RBFOX3: variants seen among roughly 807,000 people sequenced by gnomAD.
The protein encoded by RBFOX3 is RNA binding fox-1 homolog 3.
A neutral mutation model predicts 48.7 loss-of-function variants in RBFOX3; 17 were observed. That is an observed-to-expected ratio of 0.35 (90% confidence interval 0.24 to 0.52). RBFOX3 has a LOEUF of 0.52. Among genes scored for constraint, RBFOX3 ranks in the 20% least tolerant of loss-of-function variants. RBFOX3 has a pLI of 0.94. For missense variants in RBFOX3, 382 were observed against 497.5 expected, an observed-to-expected ratio of 0.77 and a Z score of 2.21; for synonymous variants, 212 against 209.5, an observed-to-expected ratio of 1.01 and a Z score of -0.10.
chr17:79,351,187 G>A (rs747444813), intron 2 of RBFOX3, among the ~76,000 whole-genome samples: 8 of 152,120 alleles, frequency 5.3e-5, no homozygotes, highest in Admixed American at 2.0e-4. Context: ...TTGCTTCTAC[G>A]CTTTGGCTGC....
chr17:79,521,254 ACACT>A (rs1428718904), intron 1 of RBFOX3, among the ~76,000 whole-genome samples: 1,660 of 151,260 alleles, frequency 0.011, 29 homozygotes, highest in African/African-American at 0.039. Context: ...AGGCACACAC[ACACT>A]CACAGACACA....
the RBFOX3 span, among the ~76,000 whole-genome samples, chr17:79,632,475 T>C: frequency 6.6e-6 from 1 of 152,208 alleles, no homozygotes; most frequent in Admixed American, 6.5e-5. Context: ...CAGGACCCCA[T>C]GTCTGGGGTC....
intron 1 of RBFOX3, among the ~76,000 whole-genome samples, chr17:79,543,124 G>A (rs1450756747): frequency 6.6e-6 from 1 of 152,102 alleles, no homozygotes; most frequent in African/African-American, 2.4e-5. Context: ...TACGGCAGCT[G>A]AACGGTAAAG....
chr17:79,502,439 G>A (rs1419143102), intron 1 of RBFOX3, among the ~76,000 whole-genome samples: 2 of 152,156 alleles, frequency 1.3e-5, no homozygotes, highest in East Asian at 3.9e-4. Flanking sequence ...AGGTGGTGAT[G>A]GCCACACCAC....
chr17:79,097,183 C>T (rs932197033), intron 11 of RBFOX3, 109 bp downstream of exon 11: 2 of 891,536 alleles, frequency 2.2e-6, no homozygotes, highest in Non-Finnish European at 3.3e-6. Flanking sequence ...TCCCCCCCCC[C>T]AGGTCTGGAA....
At chr17:79,366,321 A>T (rs1568119257) in intron 2 of RBFOX3, among the ~76,000 whole-genome samples, 1 of 151,370 alleles carries the variant, frequency 6.6e-6, no homozygotes, top group Non-Finnish European at 1.5e-5. Flanking sequence ...CCAGCCAGTG[A>T]CTCCCTGACC....
intron 1 of RBFOX3, chr17:79,600,693 C>T (rs1208007258): frequency 2.0e-5 from 3 of 152,250 alleles, no homozygotes; most frequent in African/African-American, 2.4e-5. Context: ...GCTCCCACCT[C>T]GAAGGCCCGG....
the RBFOX3 span, among the ~76,000 whole-genome samples, chr17:79,637,770 A>G: frequency 1.6e-4 from 4 of 25,232 alleles, no homozygotes; most frequent in African/African-American, 3.4e-4. Flanking sequence ...GGGGAGGGGA[A>G]GGGAGGGGAA....
At chr17:79,270,033 C>T (rs534879354) in intron 3 of RBFOX3, among the ~76,000 whole-genome samples, 2 of 152,170 alleles carry the variant, frequency 1.3e-5, no homozygotes, top group South Asian at 4.2e-4. Context: ...GGCTTGACCT[C>T]TCCCCCTCTG....
At chr17:79,164,789 C>A (rs1342393910) in intron 4 of RBFOX3, among the ~76,000 whole-genome samples, 1 of 152,188 alleles carries the variant, frequency 6.6e-6, no homozygotes, top group Non-Finnish European at 1.5e-5. Context: ...TTCCCATGTG[C>A]CTGGGCAGCG....
intron 1 of RBFOX3, among the ~76,000 whole-genome samples, chr17:79,539,513 G>C (rs1414956307): frequency 6.6e-6 from 1 of 152,208 alleles, no homozygotes; most frequent in Non-Finnish European, 1.5e-5. Flanking sequence ...TAAGTCTACT[G>C]TTGGGGTTTT....
intron 4 of RBFOX3, among the ~76,000 whole-genome samples, chr17:79,223,098 T>C (rs1211509120): frequency 6.6e-6 from 1 of 152,076 alleles, no homozygotes; most frequent in Non-Finnish European, 1.5e-5. Flanking sequence ...GGCCACTCCA[T>C]CACCCTCGAA....
At chr17:79,105,153 G>A (rs2077130226) in intron 6 of RBFOX3, among the ~76,000 whole-genome samples, 1 of 152,236 alleles carries the variant, frequency 6.6e-6, no homozygotes, top group African/African-American at 2.4e-5. Context: ...AGTCCTGGAG[G>A]CGGGGGGTGC....
chr17:79,293,103 T>G (rs1314549998), intron 3 of RBFOX3, among the ~76,000 whole-genome samples: 2 of 152,158 alleles, frequency 1.3e-5, no homozygotes, highest in African/African-American at 2.4e-5. Flanking sequence ...TATTTCATAG[T>G]TTTTCAAAGC....
At chr17:79,256,445 C>T (rs1378905) in intron 3 of RBFOX3, among the ~76,000 whole-genome samples, 31,719 of 152,150 alleles carry the variant, frequency 0.21, 4,119 homozygotes, top group Non-Finnish European at 0.29. Flanking sequence ...CATGAGTGTC[C>T]CTAAATCAAT....
chr17:79,094,286 G>T, intron 14 of RBFOX3, 165 bp downstream of exon 14: 1 of 510,156 alleles, frequency 2.0e-6, no homozygotes. Context: ...GGGCGTGAGG[G>T]GCCAGCCCTC....
intron 3 of RBFOX3, among the ~76,000 whole-genome samples, chr17:79,260,566 G>T (rs544370060): frequency 6.6e-6 from 1 of 152,178 alleles, no homozygotes; most frequent in Non-Finnish European, 1.5e-5. Flanking sequence ...GGCCAGGCCC[G>T]TGCCCCTAAC....
chr17:79,418,059 G>A lies in RBFOX3; in HGVS notation c.-175+64395C>T, dbSNP rs888656982. Among the ~76,000 whole-genome samples, 1 of 152,204 alleles carries A rather than the reference G, an allele frequency of 6.6e-6. No homozygotes were observed. The highest frequency in any genetic ancestry group is 1.5e-5 in the Non-Finnish European group (1 of 68,038). On this transcript the variant is annotated intron_variant, in intron 2 of 14. Transcript: ENST00000693108. The surrounding 1 kb of genome is among the most constrained non-coding windows in gnomAD (Gnocchi z 5.0). ...GAGAATGGAGATGCCAGGGGCTGGG[G>A]AGATAGGAAGGGGGCTTCGTGTTTC...
At chr17:79,407,615 A>C (rs1215826894) in intron 2 of RBFOX3, among the ~76,000 whole-genome samples, 1 of 152,328 alleles carries the variant, frequency 6.6e-6, no homozygotes, top group East Asian at 1.9e-4. Context: ...GCTTCCATTC[A>C]AACCAGAAGG....
Sources: gnomAD v4.1 joint callset for allele counts (sites outside exome capture counted in the v4.1 genomes callset) on GRCh38, gnomAD v4.1.1 for gene constraint, Gnocchi (gnomAD v3.1) non-coding constraint, MANE v1.5 for transcripts, NCBI Gene and HGNC (gene_info 2026-07-23, HGNC 2026-07-21) for gene names.